Variants in EHF observed in about 807,000 individuals in gnomAD.
EHF encodes the protein ETS homologous factor.
In EHF, 14 loss-of-function variants were observed where a neutral mutation model predicts 45.1. The ratio of observed to expected loss-of-function variants is 0.31; its 90% CI spans 0.21 to 0.49. EHF has a LOEUF of 0.49. Ranked by LOEUF, EHF falls within the 20% of genes least tolerant of loss-of-function variation. The pLI is 0.99. For synonymous variants in EHF, 136 were observed against 131.8 expected, an observed-to-expected ratio of 1.03 and a Z score of -0.22; for missense variants, 282 against 371.4, an observed-to-expected ratio of 0.76 and a Z score of 1.98.
intron 1 of EHF, among the ~76,000 whole-genome samples, chr11:34,627,287 C>T (rs1311775072): frequency 6.6e-6 from 1 of 152,102 alleles, no homozygotes; most frequent in Non-Finnish European, 1.5e-5. Flanking sequence ...AACTGCAAAC[C>T]ACAACCAAGG....
chr11:34,622,443 T>C, intron 1 of EHF: 2 of 1,273,154 alleles, frequency 1.6e-6, no homozygotes, highest in Non-Finnish European at 2.0e-6. Flanking sequence ...AGTCTTTCAA[T>C]GTGTAAAAGG....
chr11:34,643,226 G>A (rs1854197119), intron 2 of EHF, among the ~76,000 whole-genome samples: 1 of 152,142 alleles, frequency 6.6e-6, no homozygotes, highest in Admixed American at 6.5e-5. Context: ...TCTCCCTAGA[G>A]CTTTAATCTA....
At chr11:34,651,942 G>C in intron 6 of EHF, 137 bp downstream of exon 6, 2 of 836,042 alleles carry the variant, frequency 2.4e-6, no homozygotes, top group Non-Finnish European at 3.6e-6. Flanking sequence ...GTTACCATTA[G>C]ACGAGGTTTG....
chr11:34,634,163 A>T (rs1853170629), intron 1 of EHF, among the ~76,000 whole-genome samples: 1 of 151,998 alleles, frequency 6.6e-6, no homozygotes. Flanking sequence ...TATGTATTAT[A>T]TTCAGTTGCC....
At chr11:34,641,091 G>T (rs1206442443) in intron 1 of EHF, among the ~76,000 whole-genome samples, 5 of 152,132 alleles carry the variant, frequency 3.3e-5, no homozygotes, top group Non-Finnish European at 7.3e-5. Context: ...CCTATACATG[G>T]TGCCAGGACA....
intron 7 of EHF, among the ~76,000 whole-genome samples, chr11:34,657,504 G>T (rs772924185): frequency 1.3e-5 from 2 of 152,098 alleles, no homozygotes; most frequent in African/African-American, 4.8e-5. Context: ...AACACAGAAA[G>T]AAATCAAGAT....
intron 7 of EHF, among the ~76,000 whole-genome samples, chr11:34,657,609 C>T (rs982065020): frequency 1.9e-5 from 2 of 106,002 alleles, no homozygotes; most frequent in African/African-American, 3.7e-5. Context: ...GGAAACATGA[C>T]GAGACCCCAT....
intron 1 of EHF, among the ~76,000 whole-genome samples, chr11:34,628,601 G>A (rs1852589001): frequency 6.6e-6 from 1 of 152,106 alleles, no homozygotes; most frequent in South Asian, 2.1e-4. Context: ...AGTTGTGAAG[G>A]GACTTTGGCA....
intron 1 of EHF, among the ~76,000 whole-genome samples, chr11:34,633,883 T>A (rs891095456): frequency 6.6e-6 from 1 of 152,168 alleles, no homozygotes; most frequent in Non-Finnish European, 1.5e-5. Flanking sequence ...AAGATCAGCA[T>A]ACTATGTATA....
At chr11:34,644,530 A>T (rs1854324383) in intron 2 of EHF, among the ~76,000 whole-genome samples, 1 of 152,162 alleles carries the variant, frequency 6.6e-6, no homozygotes, top group African/African-American at 2.4e-5. Context: ...AGGTACGAGG[A>T]GCTAAGTGCA....
At chr11:34,656,865 A>T (rs1447067967) in intron 6 of EHF, 43 bp from the exon 7 acceptor site, 6 of 1,598,406 alleles carry the variant, frequency 3.8e-6, no homozygotes, top group Non-Finnish European at 5.1e-6. Flanking sequence ...AAAGAGAATT[A>T]TAGGAAATAG....
intron 1 of EHF, among the ~76,000 whole-genome samples, chr11:34,637,124 T>G (rs1590450173): frequency 6.6e-6 from 1 of 151,472 alleles, no homozygotes; most frequent in South Asian, 2.1e-4. Context: ...CAGCTTTTAG[T>G]GGGATTCAGT....
At chr11:34,644,392 T>C (rs1176743103) in intron 2 of EHF, among the ~76,000 whole-genome samples, 2 of 152,266 alleles carry the variant, frequency 1.3e-5, no homozygotes, top group African/African-American at 2.4e-5. Context: ...AAGGTCTGTG[T>C]ATTTGGGACT....
At chr11:34,641,520 T>C (rs1464186281) in intron 1 of EHF, among the ~76,000 whole-genome samples, 1 of 152,166 alleles carries the variant, frequency 6.6e-6, no homozygotes, top group Non-Finnish European at 1.5e-5. Context: ...ACATTGGTAA[T>C]ACCCGAGGAT....
intron 1 of EHF, chr11:34,624,405 C>T (rs995005672): frequency 5.8e-6 from 4 of 690,080 alleles, no homozygotes; most frequent in Non-Finnish European, 7.1e-6. Context: ...AAATCTCTTG[C>T]TCTATAACTG....
intron 1 of EHF, among the ~76,000 whole-genome samples, chr11:34,639,962 G>C (rs1331531208): frequency 6.6e-6 from 1 of 152,146 alleles, no homozygotes; most frequent in South Asian, 2.1e-4. Context: ...AGAGGGGCTT[G>C]TGGGCATTTG....
rs1160112638 is a variant in EHF, at chr11:34,649,044, G to C, written c.369G>C (p.Gln123His). Residue 123 changes from glutamine to histidine, a missense_variant, in exon 4 of 9, where the codon CAG becomes CAC. Physicochemically the swap from Gln to His is conservative, Grantham distance 24. This residue lies in a region of EHF where 213 missense variants were observed against 247.3 expected (regional missense o/e 0.86). Transcript: ENST00000257831. ...GCCAGTGCAGTAGTGACCTGTTCCA[G>C]TCCACACACAATGTCATTGTCAAGA... ...WNGQCSSDLF[Q>H]STHNVIVKTE... 9 of 1,613,908 alleles carry C rather than the reference G, an allele frequency of 5.6e-6. No homozygotes were observed. Among genetic ancestry groups the C allele is most frequent in the East Asian group, 2.2e-5 (1 of 44,898 alleles).
chr11:34,623,386 A>G (rs1213077136), intron 1 of EHF, among the ~76,000 whole-genome samples: 1 of 151,902 alleles, frequency 6.6e-6, no homozygotes, highest in Non-Finnish European at 1.5e-5. Context: ...GTGCCCAGCC[A>G]TATTGTTTTC....
intron 1 of EHF, chr11:34,631,635 G>A: frequency 2.2e-6 from 2 of 922,296 alleles, no homozygotes; most frequent in Non-Finnish European, 2.6e-6. Context: ...TGAGGTAGGT[G>A]TGGCTAGCCT....
Sources: allele counts gnomAD v4.1 joint callset (sites outside exome capture counted in the v4.1 genomes callset), GRCh38; gene constraint gnomAD v4.1.1; regional missense constraint gnomAD v4.1.1; transcripts MANE v1.5; gene names NCBI Gene and HGNC (gene_info 2026-07-23, HGNC 2026-07-21).